Variants in SUN2 observed in about 807,000 individuals in gnomAD.
SUN2 encodes SUN domain-containing protein 2.
Under a neutral mutation model 100.0 loss-of-function variants are expected in SUN2, and 60 were observed. The ratio of observed to expected loss-of-function variants is 0.60; its 90% confidence interval spans 0.49 to 0.74. The LOEUF (loss-of-function observed/expected upper bound fraction) is 0.74, where lower values mean the gene tolerates loss of function less well. Ranked by LOEUF, SUN2 falls within the 30% of genes least tolerant of loss-of-function variation. SUN2 has a pLI of 0.00. For synonymous variants in SUN2, 367 were observed against 403.3 expected (o/e 0.91, Z 1.08); for missense variants, 834 against 954.6 (o/e 0.87, Z 1.66).
At chr22:38,752,438 A>C (rs973013572) in intron 2 of SUN2, 69 bp downstream of exon 2, 2 of 1,534,450 alleles carry the variant, frequency 1.3e-6, no homozygotes. Flanking sequence ...GCTGGACCAC[A>C]GGGCGTGCGG....
In SUN2 at chr22:38,739,155, AG is replaced by A; in HGVS notation, c.1664-168del. On this transcript the variant is annotated intron_variant, in intron 14 of 17. Coordinates refer to ENST00000689035, the MANE Select transcript of SUN2 (RefSeq NM_015374.3). The surrounding 1 kb of genome is among the most constrained non-coding windows in gnomAD (Gnocchi z 6.7). ...TTAAAGGTCAGCCTCTCCCTGGCCC[AG>A]GATGGTACTCGGTACGTCCTGACTT... 2.2e-6 allele frequency: 2 copies of A among 906,496 alleles called. No homozygotes were observed. Among genetic ancestry groups the A allele is most frequent in the Non-Finnish European group, 3.5e-6 (2 of 575,280 alleles). The allele number at this position is 906,496 out of a possible 1,614,324, so 56.2% of individuals were successfully genotyped here.
At chr22:38,754,898 C>T (rs1435715891) in intron 1 of SUN2, 5 of 1,289,208 alleles carry the variant, frequency 3.9e-6, no homozygotes, top group South Asian at 3.7e-5. Context: ...AACAGTTTAC[C>T]ATTGAGTCTG....
rs138215240 is a variant in SUN2, at chr22:38,744,346, G to A, written c.813+1338C>T. On this transcript the variant is annotated intron_variant, in intron 8 of 17. Coordinates refer to ENST00000689035, the MANE Select transcript of SUN2 (RefSeq NM_015374.3). ...TAATCCCAGCCCTTTGGAAGGCTGAGGCAGGAGGATTGCTTGAAGCCAGGA... is the reference window on the plus strand; with the variant it reads ...TAATCCCAGCCCTTTGGAAGGCTGAAGCAGGAGGATTGCTTGAAGCCAGGA... 9.4e-3 allele frequency among the ~76,000 whole-genome samples: 1,429 copies of A among 151,996 alleles called. 26 individuals carry two copies. Among genetic ancestry groups the A allele is most frequent in the African/African-American group, 0.034 (1,390 of 41,394 alleles).
At chr22:38,744,492 G>T (rs1357071594) in intron 8 of SUN2, among the ~76,000 whole-genome samples, 1 of 152,070 alleles carries the variant, frequency 6.6e-6, no homozygotes, top group African/African-American at 2.4e-5. Context: ...GATGCAGGAG[G>T]ATCGCTTGAG....
chr22:38,744,312 T>C (rs1399427716), intron 8 of SUN2, among the ~76,000 whole-genome samples: 1 of 146,618 alleles, frequency 6.8e-6, no homozygotes, highest in Non-Finnish European at 1.5e-5. Flanking sequence ...GTGCAGTGAC[T>C]CATGCCTGTA....
In SUN2 at chr22:38,737,834, G is replaced by A. The variant is rs921341286; in HGVS notation, c.2040+339C>T. 1 of 508,168 alleles carries A rather than the reference G, an allele frequency of 2.0e-6. No individual in the cohort carries two copies. The highest frequency in any genetic ancestry group is 3.9e-6 in the Non-Finnish European group (1 of 257,498). 31.5% of individuals were successfully genotyped at this position (508,168 alleles called of 1,614,324 possible). A position where few individuals can be genotyped will look rare whatever the true frequency, so the allele number is the denominator to read the frequency against. On this transcript the variant is annotated intron_variant, in intron 17 of 17. Transcript: ENST00000689035. This position sits in a 1 kb window ranked among gnomAD's most constrained non-coding sequence, Gnocchi z 4.1. Reference sequence around the variant, plus strand: ...CCTGAGGCTCCAGCTGGCCATGGTAGAATGCCCGCGCCCTGGCATGTGCTG... The same window carrying A: ...CCTGAGGCTCCAGCTGGCCATGGTAAAATGCCCGCGCCCTGGCATGTGCTG...
rs1291250762 is a variant in SUN2, at chr22:38,738,370, G to A, written c.1948-105C>T. The A allele has an allele frequency of 6.9e-6, 8 of 1,156,348 alleles. No individual in the cohort carries two copies. Among genetic ancestry groups the A allele is most frequent in the Non-Finnish European group, 1.0e-5 (8 of 803,558 alleles). The allele number at this position is 1,156,348 out of a possible 1,614,324, so 71.6% of individuals were successfully genotyped here. On this transcript the variant is annotated intron_variant, in intron 16 of 17. Transcript: ENST00000689035. This position sits in a 1 kb window ranked among gnomAD's most constrained non-coding sequence, Gnocchi z 6.6. Reference sequence around the variant, plus strand: ...ACCCAGCAGGTCAGGCACCAGAGTGGCCTATGACAAGTCACTTCACTCTCT... The same window carrying A: ...ACCCAGCAGGTCAGGCACCAGAGTGACCTATGACAAGTCACTTCACTCTCT...
chr22:38,746,774 G>C (rs2092906940), intron 7 of SUN2, among the ~76,000 whole-genome samples: 1 of 152,252 alleles, frequency 6.6e-6, no homozygotes, highest in African/African-American at 2.4e-5. Flanking sequence ...GCTCACGCCT[G>C]TAATCCCAGC....
Position 38,737,230 on chromosome 22 carries a change from G to A in SUN2, c.2041-850C>T, listed in dbSNP as rs982861781. Among the ~76,000 whole-genome samples, 1 of 151,866 alleles carries A rather than the reference G, an allele frequency of 6.6e-6. No individual in the cohort carries two copies. Among genetic ancestry groups the A allele is most frequent in the Admixed American group, 6.6e-5 (1 of 15,246 alleles). On this transcript the variant is annotated intron_variant, in intron 17 of 17. Coordinates refer to ENST00000689035, the MANE Select transcript of SUN2 (RefSeq NM_015374.3). This position sits in a 1 kb window ranked among gnomAD's most constrained non-coding sequence, Gnocchi z 4.1. ...GCTGATGACAACTCAGTTCTTTCTG[G>A]CTCCCCCGACAGCTCCACTGGACTG...
chr22:38,742,608 T>C (rs1289136205), intron 8 of SUN2, 53 bp from the exon 9 acceptor site: 2 of 1,560,002 alleles, frequency 1.3e-6, no homozygotes, highest in East Asian at 4.5e-5. Context: ...ATGATAGTGC[T>C]TCCCAAAGAC....
At chr22:38,736,476 A>G (rs2092806431) in intron 17 of SUN2, 96 bp from the exon 18 acceptor site, 4 of 961,956 alleles carry the variant, frequency 4.2e-6, no homozygotes, top group African/African-American at 1.7e-5. Context: ...CTAGGGCCAG[A>G]TGGCTCCCCT....
At chr22:38,752,778 C>CG in intron 1 of SUN2, 113 bp from the exon 2 acceptor site, 2 of 1,158,098 alleles carry the variant, frequency 1.7e-6, no homozygotes, top group Non-Finnish European at 2.4e-6. Flanking sequence ...ACCACCCCCC[C>CG]GGCCCCCGGC....
At position 38,740,523 on chromosome 22, in the gene SUN2, C is replaced by T; in HGVS notation, c.1191-91G>A. 7.4e-7 allele frequency: 1 copy of T among 1,352,334 alleles called. No homozygotes were observed. The highest frequency in any genetic ancestry group is 9.7e-7 in the Non-Finnish European group (1 of 1,028,360). 83.8% of individuals were successfully genotyped at this position (1,352,334 alleles called of 1,614,324 possible). A position where few individuals can be genotyped will look rare whatever the true frequency, so the allele number is the denominator to read the frequency against. Reference sequence around the variant, plus strand: ...TGAAAGAGGACCCCCTAGTGGGCTCCCGTCAGGAGAGCGGGTGCCCAGCAC... The same window carrying T: ...TGAAAGAGGACCCCCTAGTGGGCTCTCGTCAGGAGAGCGGGTGCCCAGCAC... On this transcript the variant is annotated intron_variant, in intron 11 of 17. Coordinates refer to ENST00000689035, the MANE Select transcript of SUN2 (RefSeq NM_015374.3). This position sits in a 1 kb window ranked among gnomAD's most constrained non-coding sequence, Gnocchi z 4.8.
intron 1 of SUN2, chr22:38,754,879 G>A: frequency 7.8e-7 from 1 of 1,289,276 alleles, no homozygotes; most frequent in Non-Finnish European, 1.0e-6. Context: ...CGGCATCCTG[G>A]CATCACAAAA....
chr22:38,745,206 ACAG>A, intron 8 of SUN2: 1 of 470,878 alleles, frequency 2.1e-6, no homozygotes, highest in South Asian at 1.5e-5. Flanking sequence ...CACATGGAGT[ACAG>A]CTGTCCTAGG....
intron 2 of SUN2, 50 bp downstream of exon 2, chr22:38,752,457 C>G: frequency 6.4e-7 from 1 of 1,566,434 alleles, no homozygotes; most frequent in Non-Finnish European, 8.7e-7. Flanking sequence ...GGGCAGTGAC[C>G]AAAAGCTTGT....
In SUN2 at chr22:38,755,958, G is replaced by A; in HGVS notation, c.-233C>T. On this transcript the variant is annotated 5_prime_UTR_variant, in exon 1 of 18. Coordinates refer to ENST00000689035, the MANE Select transcript of SUN2 (RefSeq NM_015374.3). This position sits in a 1 kb window ranked among gnomAD's most constrained non-coding sequence, Gnocchi z 5.7. ...GGGCGGGCGGACAATGCGGCCGGCG[G>A]AGGCCCGCGCTGCGCGAGTGGGGCC... The A allele has an allele frequency of 1.0e-6, 1 of 983,506 alleles. No homozygotes were observed. Among genetic ancestry groups the A allele is most frequent in the Non-Finnish European group, 1.2e-6 (1 of 829,104 alleles). The allele number at this position is 983,506 out of a possible 1,614,324, so 60.9% of individuals were successfully genotyped here.
chr22:38,744,623 A>G (rs572030522), intron 8 of SUN2, among the ~76,000 whole-genome samples: 1 of 152,342 alleles, frequency 6.6e-6, no homozygotes, highest in South Asian at 2.1e-4. Context: ...TACCAAGTTA[A>G]ATTCAGTGAG....
chr22:38,739,711 G>A lies in SUN2; in HGVS notation c.1578+11C>T, dbSNP rs1332244728. ...TGGGTGGGTGTGTGGAGAGGGGCAT[G>A]TGGGCCTCACCTCCTCTGTCACTCC... On this transcript the variant is annotated intron_variant, in intron 13 of 17. Coordinates refer to ENST00000689035, the MANE Select transcript of SUN2 (RefSeq NM_015374.3). The surrounding 1 kb of genome is among the most constrained non-coding windows in gnomAD (Gnocchi z 6.7). 24 of 1,612,164 alleles carry A rather than the reference G, an allele frequency of 1.5e-5. No homozygotes were observed. The highest frequency in any genetic ancestry group is 2.0e-5 in the Non-Finnish European group (23 of 1,178,970).
Sources: gnomAD v4.1 joint callset for allele counts (sites outside exome capture counted in the v4.1 genomes callset) on GRCh38, gnomAD v4.1.1 for gene constraint, Gnocchi (gnomAD v3.1) non-coding constraint, MANE v1.5 for transcripts, NCBI Gene and HGNC (gene_info 2026-07-23, HGNC 2026-07-21) for gene names.